The following TENM2 variants were observed in gnomAD, a reference collection of about 807,000 sequenced individuals.
TENM2 encodes the protein teneurin transmembrane protein 2.
In TENM2, 52 loss-of-function variants were observed where a neutral mutation model predicts 245.2. That is an observed-to-expected ratio of 0.21 (90% CI 0.17 to 0.27). The LOEUF (loss-of-function observed/expected upper bound fraction) is 0.27. Among genes scored for constraint, TENM2 ranks in the 10% least tolerant of loss-of-function variants. The probability of loss-of-function intolerance (pLI) is 1.00; values close to 1 mark genes in which losing one functional copy is unlikely to be tolerated. For missense variants in TENM2, 3,046 were observed against 3,666.8 expected, an observed-to-expected ratio of 0.83 and a Z score of 4.37; for synonymous variants, 1,363 against 1,438.9, an observed-to-expected ratio of 0.95 and a Z score of 1.19.
intron 5 of TENM2, among the ~76,000 whole-genome samples, chr5:168,039,907 C>A (rs975969188): frequency 3.3e-5 from 5 of 152,056 alleles, no homozygotes; most frequent in Middle Eastern, 3.2e-3. Context: ...AGGGGAGGGA[C>A]GCTGCCAGTC....
chr5:167,366,919 C>T (rs920472784), intron 1 of TENM2, among the ~76,000 whole-genome samples: 5 of 152,098 alleles, frequency 3.3e-5, no homozygotes, highest in African/African-American at 1.2e-4. Flanking sequence ...TTTTTAATTT[C>T]GTTGGAATTT....
chr5:167,544,021 A>G (rs1772389133), intron 2 of TENM2, among the ~76,000 whole-genome samples: 2 of 152,194 alleles, frequency 1.3e-5, no homozygotes, highest in Admixed American at 6.5e-5. Context: ...ACTGGGGTCC[A>G]GGACTTCAAG....
intron 2 of TENM2, among the ~76,000 whole-genome samples, chr5:167,783,994 G>A (rs1205604005): frequency 6.6e-6 from 1 of 152,126 alleles, no homozygotes; most frequent in South Asian, 2.1e-4. Context: ...GGGATGCTTG[G>A]AAGTCACTGA....
the TENM2 span, among the ~76,000 whole-genome samples, chr5:167,245,329 G>A: frequency 5.9e-5 from 9 of 152,110 alleles, no homozygotes; most frequent in Non-Finnish European, 1.3e-4. Flanking sequence ...ATCATAGTAA[G>A]GAAAATGTGG....
At chr5:167,495,235 T>C (rs563291782) in intron 2 of TENM2, among the ~76,000 whole-genome samples, 2 of 79,320 alleles carry the variant, frequency 2.5e-5, no homozygotes, top group Non-Finnish European at 5.9e-5. Context: ...TTTTTTTGTT[T>C]TGTTTTTTGT....
the TENM2 span, among the ~76,000 whole-genome samples, chr5:167,120,942 T>G: frequency 6.6e-6 from 1 of 152,070 alleles, no homozygotes; most frequent in South Asian, 2.1e-4. Flanking sequence ...ATGCATCCAT[T>G]TCTTACCATG....
intron 2 of TENM2, among the ~76,000 whole-genome samples, chr5:167,461,960 A>T (rs767747084): frequency 1.3e-5 from 2 of 152,176 alleles, no homozygotes; most frequent in East Asian, 3.9e-4. Flanking sequence ...TTTGTGAGAA[A>T]CATAATGGTT....
chr5:167,448,391 G>A (rs1043954366), intron 2 of TENM2, among the ~76,000 whole-genome samples: 5 of 151,716 alleles, frequency 3.3e-5, no homozygotes, highest in African/African-American at 7.3e-5. Flanking sequence ...AGCAATAAGC[G>A]TCTGTCTGTC....
chr5:168,066,121 A>G (rs1470670494), intron 7 of TENM2, among the ~76,000 whole-genome samples: 1 of 152,224 alleles, frequency 6.6e-6, no homozygotes, highest in African/African-American at 2.4e-5. Context: ...TCTGCTTCGC[A>G]TGTCCCTCTT....
At chr5:167,040,240 T>G in the TENM2 span, among the ~76,000 whole-genome samples, 1 of 152,046 alleles carries the variant, frequency 6.6e-6, no homozygotes, top group Admixed American at 6.5e-5. Context: ...TTGATTGCTG[T>G]TTACAATTTC....
chr5:168,035,159 A>T (rs1447860602), intron 5 of TENM2, among the ~76,000 whole-genome samples: 1 of 152,218 alleles, frequency 6.6e-6, no homozygotes, highest in Non-Finnish European at 1.5e-5. Context: ...ATTGAGTAAA[A>T]AGCATAGTAT....
chr5:167,431,946 T>TAC (rs1471638638), intron 2 of TENM2, among the ~76,000 whole-genome samples: 20 of 94,480 alleles, frequency 2.1e-4, no homozygotes, highest in African/African-American at 6.5e-4. Flanking sequence ...TATACATATA[T>TAC]ATGTATATAT....
chr5:167,174,830 T>C, the TENM2 span, among the ~76,000 whole-genome samples: 1,684 of 152,232 alleles, frequency 0.011, 29 homozygotes, highest in African/African-American at 0.039. Flanking sequence ...TCCCTGTTTT[T>C]TCTGCCCCAG....
At chr5:168,099,895 T>A (rs917284165) in intron 9 of TENM2, among the ~76,000 whole-genome samples, 2 of 152,182 alleles carry the variant, frequency 1.3e-5, no homozygotes, top group Non-Finnish European at 2.9e-5. Context: ...TTCGATAAAC[T>A]TAAAAAGAAG....
chr5:167,107,271 AGAAG>A, the TENM2 span, among the ~76,000 whole-genome samples: 6 of 151,526 alleles, frequency 4.0e-5, no homozygotes, highest in African/African-American at 9.7e-5. Context: ...AAAGAAAGAA[AGAAG>A]GAAGGAAGGA....
At chr5:167,434,341 G>T (rs1156861224) in intron 2 of TENM2, among the ~76,000 whole-genome samples, 3 of 147,982 alleles carry the variant, frequency 2.0e-5, no homozygotes, top group Non-Finnish European at 4.5e-5. Flanking sequence ...TTGAACCCGG[G>T]AGGCAGAGGT....
rs182594687 is a variant in TENM2 at position 167,545,564 on chromosome 5, G to A, written c.502+170091G>A. Among the ~76,000 whole-genome samples the A allele has an allele frequency of 1.1e-3, 167 of 152,232 alleles. 1 individual carries two copies. The South Asian group carries it at 0.012, about 11-fold the overall frequency. On this transcript the variant is annotated intron_variant, in intron 2 of 28. Coordinates refer to ENST00000518659, the Ensembl canonical transcript of TENM2. ...GGTTAATTTTTACATCTTCAAACAC[G>A]TATGTATGGCTTTCTGATAGTGCAT...
chr5:167,262,272 C>G, the TENM2 span, among the ~76,000 whole-genome samples: 63 of 151,854 alleles, frequency 4.1e-4, 2 homozygotes, highest in Admixed American at 2.9e-3. Flanking sequence ...GCAGGAGAAT[C>G]GCTTGAACCT....
the TENM2 span, among the ~76,000 whole-genome samples, chr5:167,204,853 A>G: frequency 6.6e-6 from 1 of 152,190 alleles, no homozygotes; most frequent in Admixed American, 6.5e-5. Context: ...GACCTCATAC[A>G]TATGTTACAA....
Sources: gnomAD v4.1 joint callset for allele counts (sites outside exome capture counted in the v4.1 genomes callset) on GRCh38, gnomAD v4.1.1 for gene constraint, MANE v1.5 for transcripts, NCBI Gene and HGNC (gene_info 2026-07-23, HGNC 2026-07-21) for gene names.